The following EGFR variants were observed in gnomAD, a reference collection of about 807,000 sequenced individuals.
EGFR encodes avian erythroblastic leukemia viral (v-erb-b) oncogene homolog.
A neutral mutation model predicts 143.0 loss-of-function variants in EGFR; 58 were observed. That is an observed-to-expected ratio of 0.41 (90% CI 0.33 to 0.50). The LOEUF is 0.50. EGFR is among the 20% of genes least tolerant of loss of function. The pLI is 0.39. For missense variants in EGFR, 1,307 were observed against 1,579.0 expected (o/e 0.83, Z 2.92); for synonymous variants, 613 against 594.4 (o/e 1.03, Z -0.45).
intron 19 of EGFR, chr7:55,180,221 T>C (rs1786799163): frequency 6.6e-6 from 1 of 152,260 alleles, no homozygotes. Flanking sequence ...GTGGATGCTT[T>C]CTGCTACAGT....
intron 1 of EGFR, among the ~76,000 whole-genome samples, chr7:55,055,080 C>G (rs1178374162): frequency 2.6e-5 from 4 of 152,034 alleles, no homozygotes; most frequent in African/African-American, 4.8e-5. Context: ...CTGACTTCAT[C>G]CATCCTGTCT....
rs141571614 is a variant in EGFR at position 55,206,869 on chromosome 7, C to T, written c.*1252C>T. ...GCCACAACAGGGCATTTTACAGGTGCGAATGACAGTAGCATTATGAGTAGT... is the reference window on the plus strand; with the variant it reads ...GCCACAACAGGGCATTTTACAGGTGTGAATGACAGTAGCATTATGAGTAGT... On this transcript the variant is annotated 3_prime_UTR_variant, in exon 28 of 28. Coordinates refer to ENST00000275493, the MANE Select transcript of EGFR (RefSeq NM_005228.5). The T allele has an allele frequency of 2.1e-5, 5 of 233,050 alleles. No homozygotes were observed. The highest frequency in any genetic ancestry group is 5.6e-5 in the Admixed American group (1 of 17,794). 14.4% of individuals were successfully genotyped at this position (233,050 alleles called of 1,614,324 possible).
rs767651648 is a variant in EGFR at position 55,019,293 on chromosome 7, A to G, written c.16A>G (p.Thr6Ala). MRPSG[T>A]AGAALLALLA... Reference sequence around the variant, plus strand: ...GGGAGCAGCGATGCGACCCTCCGGGACGGCCGGGGCAGCGCTCCTGGCGCT... The same window carrying G: ...GGGAGCAGCGATGCGACCCTCCGGGGCGGCCGGGGCAGCGCTCCTGGCGCT... Residue 6 changes from threonine (T) to alanine (A), a missense_variant, in exon 1 of 28, where the codon ACG becomes GCG. This residue lies in a region of EGFR where 65 missense variants were observed against 37.8 expected (regional missense o/e 1.72). Transcript: ENST00000275493. 6.9e-5 allele frequency: 104 copies of G among 1,508,852 alleles called. No homozygotes were observed. Among genetic ancestry groups the G allele is most frequent in the Non-Finnish European group, 9.1e-5 (102 of 1,123,860 alleles). 93.5% of individuals were successfully genotyped at this position (1,508,852 alleles called of 1,614,324 possible).
intron 1 of EGFR, among the ~76,000 whole-genome samples, chr7:55,114,409 C>T (rs1197739171): frequency 1.3e-5 from 2 of 152,074 alleles, no homozygotes; most frequent in Admixed American, 6.5e-5. Context: ...TCACTTGAGC[C>T]CAGGAGTTCA....
intron 24 of EGFR, among the ~76,000 whole-genome samples, 172 bp from the exon 25 acceptor site, chr7:55,201,016 C>T (rs1000365090): frequency 6.6e-6 from 1 of 152,170 alleles, no homozygotes; most frequent in Non-Finnish European, 1.5e-5. Flanking sequence ...AAGGCACCCA[C>T]ATCATGTCAT....
At chr7:55,039,079 A>G (rs1024749086) in intron 1 of EGFR, among the ~76,000 whole-genome samples, 1 of 152,068 alleles carries the variant, frequency 6.6e-6, no homozygotes, top group South Asian at 2.1e-4. Context: ...AATGCTACTC[A>G]ATTGGAACCC....
intron 1 of EGFR, among the ~76,000 whole-genome samples, chr7:55,051,352 T>G (rs926318923): frequency 8.5e-5 from 13 of 152,084 alleles, no homozygotes; most frequent in African/African-American, 2.9e-4. Flanking sequence ...TCACAGGTGA[T>G]TAGGTCATAA....
rs1308051962 is a variant in EGFR, at chr7:55,203,116, TACACATACACACATATACACACACCAC to T, written c.3271+503_3271+529del. 3 of 261,842 alleles carry T rather than the reference TACACATACACACATATACACACACCAC, an allele frequency of 1.1e-5. No homozygotes were observed. The East Asian group carries it at 1.7e-4, about 15-fold the overall frequency. The allele number at this position is 261,842 out of a possible 1,614,324, so 16.2% of individuals were successfully genotyped here. A position where few individuals can be genotyped will look rare whatever the true frequency, so the allele number is the denominator to read the frequency against. ...TAACACACACACATATACACACACATACACATACACACATATACACACACCACACACATACACAGACACCACACACAT... is the reference window on the plus strand; with the variant it reads ...TAACACACACACATATACACACACATACACATACACAGACACCACACACAT... On this transcript the variant is annotated intron_variant, in intron 27 of 27. Coordinates refer to ENST00000275493, the MANE Select transcript of EGFR (RefSeq NM_005228.5).
In EGFR at chr7:55,205,845, A is replaced by G; in HGVS notation, c.*228A>G. The G allele has an allele frequency of 1.6e-6, 1 of 609,244 alleles. No homozygotes were observed. Among genetic ancestry groups the G allele is most frequent in the Non-Finnish European group, 2.9e-6 (1 of 347,840 alleles). The allele number at this position is 609,244 out of a possible 1,614,324, so 37.7% of individuals were successfully genotyped here. ...GTGAAGCATTTACAGAAACGCATCC[A>G]GCAAGAATATTGTCCCTTTGAGCAG... On this transcript the variant is annotated 3_prime_UTR_variant, in exon 28 of 28. Transcript: ENST00000275493.
intron 1 of EGFR, among the ~76,000 whole-genome samples, chr7:55,111,500 G>C (rs191647783): frequency 1.4e-4 from 22 of 152,184 alleles, no homozygotes; most frequent in African/African-American, 4.8e-4. Flanking sequence ...AAATGCAGCA[G>C]TGATTGTATT....
At chr7:55,078,196 G>A (rs1040045388) in intron 1 of EGFR, among the ~76,000 whole-genome samples, 1 of 152,030 alleles carries the variant, frequency 6.6e-6, no homozygotes, top group East Asian at 1.9e-4. Flanking sequence ...GGAGCAAGGC[G>A]GCAGGGAGGG....
rs1413018167 is a variant in EGFR, at chr7:55,201,862, A to C, written c.3162+80A>C. ...TTTACATGGAAAATGCCTTAACCTA[A>C]ATAATTTTAACCCAGATAATCTTGA... On this transcript the variant is annotated intron_variant, in intron 26 of 27. Coordinates refer to ENST00000275493, the MANE Select transcript of EGFR (RefSeq NM_005228.5). The C allele has an allele frequency of 5.3e-6, 8 of 1,516,776 alleles. No homozygotes were observed. In the African/African-American group the frequency reaches 1.1e-4, roughly 21 times the overall value. 94.0% of individuals were successfully genotyped at this position (1,516,776 alleles called of 1,614,324 possible).
intron 20 of EGFR, among the ~76,000 whole-genome samples, chr7:55,184,007 G>C (rs1787015160): frequency 1.3e-5 from 2 of 152,360 alleles, no homozygotes; most frequent in East Asian, 3.9e-4. Context: ...AGTCTTGGCA[G>C]GTTTCGCTCA....
chr7:55,157,035 A>G, intron 10 of EGFR: 1 of 1,321,724 alleles, frequency 7.6e-7, no homozygotes, highest in Non-Finnish European at 1.0e-6. Context: ...TGGGTCATTC[A>G]CTGCGGTGTA....
In EGFR at chr7:55,019,325, T is replaced by A; in HGVS notation, c.48T>A (p.Ala16=). ...GGGCAGCGCTCCTGGCGCTGCTGGC[T>A]GCGCTCTGCCCGGCGAGTCGGGCTC... ...TAGAALLALL[A]ALCPASRALE... is the part of the protein sequence containing the mutation. The change falls in exon 1 of 28, where the codon GCT becomes GCA. Residue 16 remains alanine, a synonymous_variant. Transcript: ENST00000275493. The A allele has an allele frequency of 6.6e-7, 1 of 1,522,694 alleles. No individual in the cohort carries two copies. Among genetic ancestry groups the A allele is most frequent in the South Asian group, 1.2e-5 (1 of 84,186 alleles). The allele number at this position is 1,522,694 out of a possible 1,614,324, so 94.3% of individuals were successfully genotyped here. A position where few individuals can be genotyped will look rare whatever the true frequency, so the allele number is the denominator to read the frequency against.
rs7334 is a variant in EGFR, at chr7:55,211,159, C to G, written c.*5542C>G. 6.6e-6 allele frequency: 1 copy of G among 151,982 alleles called. No homozygotes were observed. The highest frequency in any genetic ancestry group is 1.5e-5 in the Non-Finnish European group (1 of 68,006). The allele number at this position is 151,982 out of a possible 1,614,324, so 9.4% of individuals were successfully genotyped here. A position where few individuals can be genotyped will look rare whatever the true frequency, so the allele number is the denominator to read the frequency against. On this transcript the variant is annotated 3_prime_UTR_variant, in exon 28 of 28. Coordinates refer to ENST00000275493, the MANE Select transcript of EGFR (RefSeq NM_005228.5). Reference sequence around the variant, plus strand: ...CCAGCAGAAGCACTAAGAAGCTCCACCCTATCACCTAGCAGATAAAACTAT... The same window carrying G: ...CCAGCAGAAGCACTAAGAAGCTCCAGCCTATCACCTAGCAGATAAAACTAT...
rs755564991 is a variant in EGFR at position 55,168,543 on chromosome 7, T to C, written c.1881-2632T>C. 6 of 1,607,720 alleles carry C rather than the reference T, an allele frequency of 3.7e-6. No individual in the cohort carries two copies. The East Asian group carries it at 1.1e-4, about 30-fold the overall frequency. On this transcript the variant is annotated intron_variant, in intron 15 of 27. Coordinates refer to ENST00000275493, the MANE Select transcript of EGFR (RefSeq NM_005228.5). ...CCCAGGTCCTAATAAATCTTCACTG[T>C]CTGACTTTAGTCTCCCACTAAAACT...
intron 3 of EGFR, among the ~76,000 whole-genome samples, chr7:55,145,203 C>T (rs1180214112): frequency 1.3e-5 from 2 of 152,152 alleles, no homozygotes; most frequent in Non-Finnish European, 2.9e-5. Context: ...GTGCTCTCCT[C>T]GCCCCGCCCC....
intron 10 of EGFR, 173 bp downstream of exon 10, chr7:55,157,005 G>A (rs941705310): frequency 1.4e-6 from 2 of 1,459,796 alleles, no homozygotes; most frequent in Non-Finnish European, 1.8e-6. Flanking sequence ...AGGCAAAAGG[G>A]GACACGTTAA....
Sources: gnomAD v4.1 joint callset for allele counts (sites outside exome capture counted in the v4.1 genomes callset) on GRCh38, gnomAD v4.1.1 for gene constraint, gnomAD v4.1.1 regional missense constraint, MANE v1.5 for transcripts, NCBI Gene and HGNC (gene_info 2026-07-23, HGNC 2026-07-21) for gene names.